The following RNF135 variants were observed in gnomAD, a reference collection of about 807,000 sequenced individuals.
The protein encoded by RNF135 is E3 ubiquitin-protein ligase RNF135.
A neutral mutation model predicts 41.9 loss-of-function variants in RNF135; 46 were observed. That is an observed-to-expected ratio of 1.10 (90% CI 0.87 to 1.40). The LOEUF (loss-of-function observed/expected upper bound fraction) is 1.40. Among genes scored for constraint, RNF135 ranks in the 40% most tolerant of loss-of-function variants. RNF135 has a pLI of 0.00. For missense variants in RNF135, 539 were observed against 549.8 expected (o/e 0.98, Z 0.20); for synonymous variants, 238 against 223.8 (o/e 1.06, Z -0.57).
chr17:30,973,918 C>T (rs1906217301), intron 1 of RNF135, among the ~76,000 whole-genome samples: 2 of 152,100 alleles, frequency 1.3e-5, no homozygotes, highest in South Asian at 4.1e-4. Context: ...GTCTATTCTC[C>T]ATTGATTAGA....
At chr17:30,991,303 T>G (rs1907969384) in intron 3 of RNF135, among the ~76,000 whole-genome samples, 1 of 152,000 alleles carries the variant, frequency 6.6e-6, no homozygotes, top group African/African-American at 2.4e-5. Flanking sequence ...GCAGAGGTTG[T>G]AGTGAGCCAA....
intron 1 of RNF135, among the ~76,000 whole-genome samples, chr17:30,980,767 C>A (rs1049575400): frequency 6.1e-5 from 9 of 147,376 alleles, no homozygotes; most frequent in African/African-American, 2.0e-4. Context: ...AGACGATGGG[C>A]GGCCGGGCAG....
chr17:30,979,927 G>T (rs1906913973), intron 1 of RNF135, among the ~76,000 whole-genome samples: 1 of 114,300 alleles, frequency 8.7e-6, no homozygotes, highest in East Asian at 2.8e-4. Context: ...TTCCCAGTAG[G>T]GGCGGCCGGG....
chr17:30,971,710 A>G, intron 1 of RNF135: 1 of 1,318,142 alleles, frequency 7.6e-7, no homozygotes, highest in South Asian at 2.1e-5. Context: ...TTCCCAATCG[A>G]TCTTCGGTCT....
rs1002445357 is a variant in RNF135, at chr17:30,971,510, A to G, written c.372+65A>G. 1.8e-5 allele frequency: 25 copies of G among 1,416,082 alleles called. No homozygotes were observed. The African/African-American group carries it at 3.3e-4, about 19-fold the overall frequency. The allele number at this position is 1,416,082 out of a possible 1,614,324, so 87.7% of individuals were successfully genotyped here. A position where few individuals can be genotyped will look rare whatever the true frequency, so the allele number is the denominator to read the frequency against. ...GCTGCCCGCCGCCTGACCCTTTCCCATGTGGCTCGAACCCCTTTCCTCAGC... is the reference window on the plus strand; with the variant it reads ...GCTGCCCGCCGCCTGACCCTTTCCCGTGTGGCTCGAACCCCTTTCCTCAGC... On this transcript the variant is annotated intron_variant, in intron 1 of 4. Coordinates refer to ENST00000328381, the MANE Select transcript of RNF135 (RefSeq NM_032322.4).
upstream of RNF135, chr17:30,968,936 A>T (rs1230142640): frequency 6.6e-6 from 1 of 152,086 alleles, no homozygotes; most frequent in Non-Finnish European, 1.5e-5. Context: ...GTGTGATCAC[A>T]GCTAACCACA....
At chr17:30,995,111 G>A (rs543831172) in intron 3 of RNF135, among the ~76,000 whole-genome samples, 5 of 152,166 alleles carry the variant, frequency 3.3e-5, no homozygotes, top group East Asian at 1.9e-4. Context: ...TGTTTTGGCC[G>A]GGACAGTGGC....
intron 3 of RNF135, among the ~76,000 whole-genome samples, chr17:30,996,221 C>T (rs1470329086): frequency 6.6e-6 from 1 of 150,998 alleles, no homozygotes; most frequent in African/African-American, 2.4e-5. Context: ...TCCCAAGTAG[C>T]TGGGATTACA....
In RNF135 at chr17:30,984,729, G is replaced by A. The variant is rs1269120862; in HGVS notation, c.485G>A (p.Gly162Glu). 6.2e-7 allele frequency: 1 copy of A among 1,614,156 alleles called. No homozygotes were observed. The highest frequency in any genetic ancestry group is 2.2e-5 in the East Asian group (1 of 44,886). Residue 162 changes from glycine (G) to glutamate (E), a missense_variant, in exon 2 of 5, where the codon GGA (glycine) becomes GAA (glutamate). Transcript: ENST00000328381. ...AATCAGAGGCCCCTATCAGAATCTG[G>A]ACCAGACAACGAACTGAGCATCCTG... ...LQNQRPLSES[G>E]PDNELSILGK...
intron 1 of RNF135, among the ~76,000 whole-genome samples, chr17:30,983,481 G>A (rs2142704869): frequency 6.7e-6 from 1 of 149,756 alleles, no homozygotes; most frequent in African/African-American, 2.4e-5. Context: ...AGCCTCCCAA[G>A]TAGCTGGGAT....
chr17:30,963,010 C>T, the RNF135 span, among the ~76,000 whole-genome samples: 2 of 150,222 alleles, frequency 1.3e-5, no homozygotes, highest in South Asian at 2.1e-4. Context: ...ATTTCCCTAG[C>T]GGTTGACAAT....
At chr17:30,979,640 G>C in intron 1 of RNF135, among the ~76,000 whole-genome samples, 1 of 130,240 alleles carries the variant, frequency 7.7e-6, no homozygotes, top group Non-Finnish European at 1.6e-5. Flanking sequence ...TCCCGGACGG[G>C]GCGGCTGGCC....
Position 30,999,438 on chromosome 17 carries a change from C to A in RNF135, c.*247C>A. On this transcript the variant is annotated 3_prime_UTR_variant, in exon 5 of 5. Transcript: ENST00000328381. ...CAAGAATACCACTTTTGAAGTTAAT[C>A]CTTTTGTGTGATACAGGATGAACTT... 1.9e-6 allele frequency: 1 copy of A among 519,280 alleles called. No homozygotes were observed. 32.2% of individuals were successfully genotyped at this position (519,280 alleles called of 1,614,324 possible).
At chr17:30,966,645 G>A (rs185467039), upstream of RNF135, among the ~76,000 whole-genome samples, 1 of 150,034 alleles carries the variant, frequency 6.7e-6, no homozygotes, top group East Asian at 1.9e-4. Context: ...ACAGGCGCCC[G>A]CCACCGTGCC....
At chr17:30,963,552 T>C in the RNF135 span, among the ~76,000 whole-genome samples, 3 of 150,890 alleles carry the variant, frequency 2.0e-5, no homozygotes, top group Non-Finnish European at 4.4e-5. Flanking sequence ...CCAGCCTGGG[T>C]GACAGAGTGA....
Position 30,999,266 on chromosome 17 carries a change from T to A in RNF135, c.*75T>A. 1 of 1,503,450 alleles carries A rather than the reference T, an allele frequency of 6.7e-7. No individual in the cohort carries two copies. The highest frequency in any genetic ancestry group is 9.1e-7 in the Non-Finnish European group (1 of 1,094,420). The allele number at this position is 1,503,450 out of a possible 1,614,324, so 93.1% of individuals were successfully genotyped here. A position where few individuals can be genotyped will look rare whatever the true frequency, so the allele number is the denominator to read the frequency against. ...CATCAATCAGGGTAGTAACTTGACTTAAGAATACCACTTTTTAGAAAAATT... is the reference window on the plus strand; with the variant it reads ...CATCAATCAGGGTAGTAACTTGACTAAAGAATACCACTTTTTAGAAAAATT... On this transcript the variant is annotated 3_prime_UTR_variant, in exon 5 of 5. Transcript: ENST00000328381.
chr17:30,970,286 T>G (rs540415719), upstream of RNF135: 1 of 152,208 alleles, frequency 6.6e-6, no homozygotes, highest in South Asian at 2.1e-4. Context: ...AGGACTGGGA[T>G]GCGAAGTGAG....
intron 2 of RNF135, among the ~76,000 whole-genome samples, chr17:30,986,047 A>G (rs185587425): frequency 6.6e-6 from 1 of 152,264 alleles, no homozygotes; most frequent in Non-Finnish European, 1.5e-5. Context: ...CCTTGAACAA[A>G]TCAAATCTCC....
At chr17:30,963,818 GA>G in the RNF135 span, among the ~76,000 whole-genome samples, 1 of 151,872 alleles carries the variant, frequency 6.6e-6, no homozygotes, top group Non-Finnish European at 1.5e-5. Context: ...AATGGGGTGA[GA>G]AAAAAATGGG....
Sources: allele counts gnomAD v4.1 joint callset (sites outside exome capture counted in the v4.1 genomes callset), GRCh38; gene constraint gnomAD v4.1.1; transcripts MANE v1.5; gene names NCBI Gene and HGNC (gene_info 2026-07-23, HGNC 2026-07-21).